ATG2B: variants seen among roughly 807,000 people sequenced by gnomAD.
ATG2B encodes autophagy related 2B, also known as autophagy-related protein 2 homolog B.
ATG2B carries 121 observed loss-of-function variants against 241.3 expected under a neutral mutation model. The ratio of observed to expected loss-of-function variants is 0.50; its 90% CI spans 0.43 to 0.58. The LOEUF (loss-of-function observed/expected upper bound fraction) is 0.58. ATG2B is among the 20% of genes least tolerant of loss of function. The probability of loss-of-function intolerance (pLI) is 0.00; values close to 1 mark genes in which losing one functional copy is unlikely to be tolerated. For synonymous variants in ATG2B, 858 were observed against 876.6 expected (o/e 0.98, Z 0.37); for missense variants, 2,306 against 2,491.6 (o/e 0.93, Z 1.59).
intron 6 of ATG2B, among the ~76,000 whole-genome samples, chr14:96,339,148 G>T (rs563157358): frequency 2.0e-4 from 30 of 151,972 alleles, no homozygotes; most frequent in Admixed American, 1.9e-3. Flanking sequence ...GATGGACATC[G>T]TAAAAAAGGA....
At chr14:96,314,633 T>C (rs1887254863) in intron 23 of ATG2B, among the ~76,000 whole-genome samples, 1 of 152,240 alleles carries the variant, frequency 6.6e-6, no homozygotes, top group African/African-American at 2.4e-5. Context: ...GACCACACTT[T>C]AAGGTAAAAA....
rs748299841 is a variant in ATG2B at position 96,341,556 on chromosome 14, G to A, written c.890C>T (p.Thr297Met). 9 of 1,600,992 alleles carry A rather than the reference G, an allele frequency of 5.6e-6. No individual in the cohort carries two copies. Among genetic ancestry groups the A allele is most frequent in the Admixed American group, 5.1e-5 (3 of 58,956 alleles). Residue 297 changes from threonine to methionine, a missense_variant, in exon 6 of 42, where the codon ACG (threonine) becomes ATG (methionine). Thr to Met is a moderately conservative substitution (Grantham distance 81). Around this residue, in one of 2 missense-constraint regions of ATG2B, gnomAD observed 1,927 missense variants for 2,011.2 expected, o/e 0.96. Coordinates refer to ENST00000359933, the MANE Select transcript of ATG2B (RefSeq NM_018036.7). ...RLIGRLELSL[T>M]LKQNEVLPGA... Reference sequence around the variant, plus strand: ...AGGAAGCACTTCATTCTGTTTCAACGTGAGACTCAACTCCAACCTACCAAT... The same window carrying A: ...AGGAAGCACTTCATTCTGTTTCAACATGAGACTCAACTCCAACCTACCAAT...
chr14:96,349,362 G>A (rs184175497), intron 1 of ATG2B, among the ~76,000 whole-genome samples: 11 of 152,316 alleles, frequency 7.2e-5, no homozygotes, highest in Admixed American at 3.9e-4. Context: ...ATGTTAAAGC[G>A]TCTGAAATTT....
intron 2 of ATG2B, among the ~76,000 whole-genome samples, chr14:96,346,960 C>G (rs566899723): frequency 6.6e-6 from 1 of 152,252 alleles, no homozygotes; most frequent in African/African-American, 2.4e-5. Context: ...ATTAAATAAA[C>G]CAAACAATCT....
At chr14:96,300,742 A>G (rs1886767272) in intron 34 of ATG2B, among the ~76,000 whole-genome samples, 1 of 152,244 alleles carries the variant, frequency 6.6e-6, no homozygotes, top group South Asian at 2.1e-4. Context: ...ACATAAACTT[A>G]AAGTACTGAT....
At chr14:96,294,406 G>C (rs1313143136) in intron 36 of ATG2B, among the ~76,000 whole-genome samples, 2 of 152,220 alleles carry the variant, frequency 1.3e-5, no homozygotes, top group Admixed American at 6.5e-5. Flanking sequence ...GGAAACTGCA[G>C]TGTGCTGTGC....
chr14:96,342,556 T>C (rs1370051234), intron 5 of ATG2B, among the ~76,000 whole-genome samples: 1 of 151,922 alleles, frequency 6.6e-6, no homozygotes, highest in Non-Finnish European at 1.5e-5. Flanking sequence ...ACCCCGTCTC[T>C]ACTAAAAATA....
chr14:96,315,723 G>A, intron 21 of ATG2B, 140 bp from the exon 22 acceptor site: 2 of 651,356 alleles, frequency 3.1e-6, no homozygotes, highest in Non-Finnish European at 5.4e-6. Flanking sequence ...AACCAGCATG[G>A]CATTAATAAT....
chr14:96,317,099 A>C, intron 20 of ATG2B, 46 bp downstream of exon 20: 1 of 1,484,308 alleles, frequency 6.7e-7, no homozygotes, highest in African/African-American at 1.4e-5. Context: ...AGATTTATTT[A>C]AAGTAAGATA....
At position 96,308,255 on chromosome 14, in the gene ATG2B, C is replaced by CATATATATATATATAT. The variant is rs1162236859; in HGVS notation, c.4303+1197_4303+1198insATATATATATATATAT. Reference sequence around the variant, plus strand: ...ACATATATATATATATATATATACACACATATATATATATATATATATATA... The same window carrying CATATATATATATATAT: ...ACATATATATATATATATATATACACATATATATATATATATACATATATATATATATATATATATA... On this transcript the variant is annotated intron_variant, in intron 29 of 41. Transcript: ENST00000359933. Among the ~76,000 whole-genome samples, 13 of 29,360 alleles carry CATATATATATATATAT rather than the reference C, an allele frequency of 4.4e-4. 1 individual carries two copies. Among genetic ancestry groups the CATATATATATATATAT allele is most frequent in the Non-Finnish European group, 6.7e-4 (11 of 16,424 alleles). The allele number at this position is 29,360 out of a possible 152,430, so 19.3% of individuals were successfully genotyped here. A position where few individuals can be genotyped will look rare whatever the true frequency, so the allele number is the denominator to read the frequency against.
In ATG2B at chr14:96,280,578, T is replaced by C. The variant is rs1380044151; in HGVS notation, c.*5177A>G. 1.3e-5 allele frequency: 2 copies of C among 150,916 alleles called. No individual in the cohort carries two copies. Among genetic ancestry groups the C allele is most frequent in the East Asian group, 4.3e-4 (2 of 4,700 alleles). 9.3% of individuals were successfully genotyped at this position (150,916 alleles called of 1,614,324 possible). On this transcript the variant is annotated 3_prime_UTR_variant, in exon 42 of 42. Transcript: ENST00000359933. ...TCTGTCACAACAAAATCTTTTAAAG[T>C]AAATTGCCCTTAAAAATAAGTATGT...
intron 8 of ATG2B, 140 bp from the exon 9 acceptor site, chr14:96,332,795 AGTG>A (rs1887776172): frequency 1.9e-6 from 1 of 532,558 alleles, no homozygotes; most frequent in African/African-American, 2.0e-5. Flanking sequence ...TGTTACTTAC[AGTG>A]GTGTAATTTA....
intron 34 of ATG2B, among the ~76,000 whole-genome samples, chr14:96,300,955 C>A (rs1389370907): frequency 6.6e-6 from 1 of 152,150 alleles, no homozygotes; most frequent in Non-Finnish European, 1.5e-5. Flanking sequence ...TCAACCAGTA[C>A]TATTTAAGCA....
At chr14:96,300,473 C>T (rs948980691) in intron 34 of ATG2B, among the ~76,000 whole-genome samples, 3 of 152,012 alleles carry the variant, frequency 2.0e-5, no homozygotes, top group Non-Finnish European at 2.9e-5. Context: ...CTGCAGTGAG[C>T]CATGATCTAC....
Position 96,304,533 on chromosome 14 carries a change from T to A in ATG2B, c.4804A>T (p.Arg1602Trp). ...ATTTCCATTAAAAAGTCATGGTTCC[T>A]TCCTTTTCCCCCACATACTGTATTA... ...GRNTVCGGKGRNHDFLMEIQL... is the reference protein window; with the variant it reads ...GRNTVCGGKGWNHDFLMEIQL... Residue 1602 changes from arginine (R) to tryptophan (W), a missense_variant, in exon 32 of 42, where the codon AGG becomes TGG. Physicochemically the swap from Arg to Trp is moderately radical, Grantham distance 101. Around this residue, in one of 2 missense-constraint regions of ATG2B, gnomAD observed 1,927 missense variants for 2,011.2 expected, o/e 0.96. Transcript: ENST00000359933. 6.2e-7 allele frequency: 1 copy of A among 1,613,632 alleles called. No individual in the cohort carries two copies. Among genetic ancestry groups the A allele is most frequent in the Non-Finnish European group, 8.5e-7 (1 of 1,179,758 alleles).
At chr14:96,308,440 C>T (rs2139855687) in intron 29 of ATG2B, among the ~76,000 whole-genome samples, 1 of 145,910 alleles carries the variant, frequency 6.9e-6, no homozygotes, top group South Asian at 2.2e-4. Context: ...TAGGCGCCTG[C>T]CAACACATCC....
At chr14:96,356,857 A>T (rs1888488833) in intron 1 of ATG2B, among the ~76,000 whole-genome samples, 1 of 152,220 alleles carries the variant, frequency 6.6e-6, no homozygotes, top group Non-Finnish European at 1.5e-5. Context: ...ACCTCACAGT[A>T]AACAGAAAGT....
At position 96,317,857 on chromosome 14, in the gene ATG2B, T is replaced by C; in HGVS notation, c.2880-2A>G. 3.2e-6 allele frequency: 5 copies of C among 1,584,944 alleles called. No individual in the cohort carries two copies. Among genetic ancestry groups the C allele is most frequent in the Non-Finnish European group, 4.3e-6 (5 of 1,165,146 alleles). On this transcript the variant is annotated splice_acceptor_variant, in intron 18 of 41. Coordinates refer to ENST00000359933, the MANE Select transcript of ATG2B (RefSeq NM_018036.7). LOFTEE classifies it high-confidence loss of function. ...CACAGTAGCAAGTCATTAAAGATCC[T>C]ATAAAGACAAAAGTTGAAAAATAAG...
In ATG2B at chr14:96,317,282, A is replaced by G; in HGVS notation, c.3073T>C (p.Tyr1025His). 2.5e-6 allele frequency: 4 copies of G among 1,613,820 alleles called. No individual in the cohort carries two copies. The highest frequency in any genetic ancestry group is 3.4e-6 in the Non-Finnish European group (4 of 1,179,846). The change falls in exon 20 of 42, where the codon TAT becomes CAT. Residue 1025 changes from tyrosine to histidine, a missense_variant. Physicochemically the swap from Tyr to His is moderately conservative, Grantham distance 83 (BLOSUM62 2). This residue lies in a region of ATG2B where 1,927 missense variants were observed against 2,011.2 expected (regional missense o/e 0.96). Coordinates refer to ENST00000359933, the MANE Select transcript of ATG2B (RefSeq NM_018036.7). ...TAGTTGGGATCAACAGTGGAAAAAT[A>G]CTGCAAAGTCTCCTCCTCAGATCCA... ...ESGSEEETLQ[Y>H]FSTVDPNYRS... is the part of the protein sequence containing the mutation.
Sources: allele counts gnomAD v4.1 joint callset (sites outside exome capture counted in the v4.1 genomes callset), GRCh38; gene constraint gnomAD v4.1.1; regional missense constraint gnomAD v4.1.1; transcripts MANE v1.5; gene names NCBI Gene and HGNC (gene_info 2026-07-23, HGNC 2026-07-21).